NECTIN3: variants seen among roughly 807,000 people sequenced by gnomAD.
NECTIN3 encodes the protein nectin cell adhesion molecule 3.
Under a neutral mutation model 49.4 loss-of-function variants are expected in NECTIN3, and 8 were observed. The ratio of observed to expected loss-of-function variants is 0.16; its 90% CI spans 0.10 to 0.29. NECTIN3 has a LOEUF of 0.29. Ranked by LOEUF, NECTIN3 falls within the 10% of genes least tolerant of loss-of-function variation. The probability of loss-of-function intolerance (pLI) is 1.00; values close to 1 mark genes in which losing one functional copy is unlikely to be tolerated. For missense variants in NECTIN3, 581 were observed against 654.6 expected (o/e 0.89, Z 1.23); for synonymous variants, 277 against 241.1 (o/e 1.15, Z -1.38).
intron 1 of NECTIN3, among the ~76,000 whole-genome samples, chr3:111,093,656 G>A (rs1012427470): frequency 1.3e-5 from 2 of 151,960 alleles, no homozygotes; most frequent in African/African-American, 4.8e-5. Flanking sequence ...GGCTGGCCTC[G>A]AACTCCTAAC....
chr3:111,094,612 G>T (rs2032480204), intron 1 of NECTIN3, among the ~76,000 whole-genome samples: 1 of 152,268 alleles, frequency 6.6e-6, no homozygotes, highest in African/African-American at 2.4e-5. Context: ...GGGGCCTGAG[G>T]CGAAGTCTTG....
At chr3:111,172,007 TTAAAA>T (rs1376047983) in intron 7 of NECTIN3, among the ~76,000 whole-genome samples, 2 of 152,242 alleles carry the variant, frequency 1.3e-5, no homozygotes, top group African/African-American at 2.4e-5. Flanking sequence ...AAATGATATC[TTAAAA>T]TAAAGAAATT....
Position 111,137,150 on chromosome 3 carries a change from G to A in NECTIN3, c.*2935G>A. On this transcript the variant is annotated 3_prime_UTR_variant, in exon 6 of 6. Transcript: ENST00000485303. ...AGTCATTTTATATGTGAAAACATCT[G>A]ATTTGAGTTTTTGATAAATACTGCT... 1 of 963,406 alleles carries A rather than the reference G, an allele frequency of 1.0e-6. No individual in the cohort carries two copies. The highest frequency in any genetic ancestry group is 1.1e-4 in the East Asian group (1 of 8,696). 59.7% of individuals were successfully genotyped at this position (963,406 alleles called of 1,614,324 possible). A position where few individuals can be genotyped will look rare whatever the true frequency, so the allele number is the denominator to read the frequency against.
intron 2 of NECTIN3, among the ~76,000 whole-genome samples, chr3:111,114,809 T>G (rs901852029): frequency 6.6e-6 from 1 of 152,176 alleles, no homozygotes; most frequent in Non-Finnish European, 1.5e-5. Context: ...TGGATTTTTT[T>G]TTCAACTAAC....
intron 1 of NECTIN3, among the ~76,000 whole-genome samples, chr3:111,106,461 A>G (rs1316629480): frequency 6.6e-6 from 1 of 152,116 alleles, no homozygotes; most frequent in Non-Finnish European, 1.5e-5. Flanking sequence ...ATTTATTTGC[A>G]GTTTATATGT....
At chr3:111,132,380 T>C (rs1290090800) in intron 5 of NECTIN3, among the ~76,000 whole-genome samples, 1 of 151,928 alleles carries the variant, frequency 6.6e-6, no homozygotes, top group Non-Finnish European at 1.5e-5. Flanking sequence ...TATTTTTCTT[T>C]AGCTTGTAAT....
chr3:111,104,570 A>G (rs927082481), intron 1 of NECTIN3, among the ~76,000 whole-genome samples: 2 of 151,862 alleles, frequency 1.3e-5, no homozygotes, highest in South Asian at 2.1e-4. Context: ...TCCTCCTGCT[A>G]TAGCTTCCCA....
chr3:111,118,346 G>T (rs2033796679), intron 2 of NECTIN3, among the ~76,000 whole-genome samples: 1 of 143,466 alleles, frequency 7.0e-6, no homozygotes, highest in African/African-American at 2.5e-5. Flanking sequence ...AGGGAATTGT[G>T]ATCTCGTTCA....
intron 1 of NECTIN3, among the ~76,000 whole-genome samples, chr3:111,094,838 T>A (rs2032492176): frequency 6.6e-6 from 1 of 152,194 alleles, no homozygotes; most frequent in Non-Finnish European, 1.5e-5. Flanking sequence ...AGAAGGAAAG[T>A]AGTTATTCAG....
At chr3:111,130,320 C>T (rs1036033689) in intron 5 of NECTIN3, among the ~76,000 whole-genome samples, 23 of 150,314 alleles carry the variant, frequency 1.5e-4, no homozygotes, top group African/African-American at 5.7e-4. Flanking sequence ...GAGTCTGTAA[C>T]ACAGCATACT....
intron 1 of NECTIN3, among the ~76,000 whole-genome samples, chr3:111,091,601 T>C (rs527985262): frequency 7.9e-5 from 12 of 152,198 alleles, no homozygotes. Context: ...TGTAATGTTA[T>C]CAAAGTTCAT....
At chr3:111,155,878 G>A (rs1046457547) in intron 7 of NECTIN3, among the ~76,000 whole-genome samples, 32 of 152,056 alleles carry the variant, frequency 2.1e-4, no homozygotes, top group African/African-American at 7.5e-4. Flanking sequence ...TACTTCCCAG[G>A]ATTACAGATT....
intron 1 of NECTIN3, among the ~76,000 whole-genome samples, chr3:111,087,633 A>G (rs2032010652): frequency 6.6e-6 from 1 of 152,102 alleles, no homozygotes; most frequent in African/African-American, 2.4e-5. Flanking sequence ...AGCCTGAGCA[A>G]CAGAGCGAGA....
At chr3:111,123,194 T>C (rs1415335326) in intron 4 of NECTIN3, among the ~76,000 whole-genome samples, 1 of 152,146 alleles carries the variant, frequency 6.6e-6, no homozygotes, top group Non-Finnish European at 1.5e-5. Flanking sequence ...AAATATGTTA[T>C]TTTCATAGCA....
downstream of NECTIN3, among the ~76,000 whole-genome samples, chr3:111,141,092 C>T (rs1422169599): frequency 6.6e-6 from 1 of 151,736 alleles, no homozygotes; most frequent in Non-Finnish European, 1.5e-5. Flanking sequence ...GGATGAGGGG[C>T]TGAGGAGACT....
At chr3:111,072,574 C>T (rs537529240) in intron 1 of NECTIN3, 8 of 1,535,214 alleles carry the variant, frequency 5.2e-6, no homozygotes, top group Admixed American at 2.0e-5. Context: ...GAGCTGTGAG[C>T]CCAGAAACCC....
chr3:111,099,123 A>G (rs2032756973), intron 1 of NECTIN3, among the ~76,000 whole-genome samples: 1 of 151,966 alleles, frequency 6.6e-6, no homozygotes, highest in Admixed American at 6.6e-5. Context: ...ATCCCACCTC[A>G]CCTAACATCC....
rs751274758 is a variant in NECTIN3, at chr3:111,134,977, T to G, written c.*762T>G. 1.0e-6 allele frequency: 1 copy of G among 957,776 alleles called. No individual in the cohort carries two copies. The highest frequency in any genetic ancestry group is 1.1e-4 in the East Asian group (1 of 8,706). The allele number at this position is 957,776 out of a possible 1,614,324, so 59.3% of individuals were successfully genotyped here. A position where few individuals can be genotyped will look rare whatever the true frequency, so the allele number is the denominator to read the frequency against. ...CCTTTCAAACATGATAATTATTAGT[T>G]TTTTTTTTTCCTTTCTGGAACATGG... On this transcript the variant is annotated 3_prime_UTR_variant, in exon 6 of 6. Coordinates refer to ENST00000485303, the MANE Select transcript of NECTIN3 (RefSeq NM_015480.3).
chr3:111,096,779 G>T (rs1576093347), intron 1 of NECTIN3, among the ~76,000 whole-genome samples: 1 of 152,326 alleles, frequency 6.6e-6, no homozygotes, highest in Non-Finnish European at 1.5e-5. Context: ...GTGCACAGAG[G>T]TCAAGAATTT....
Sources: gnomAD v4.1 joint callset for allele counts (sites outside exome capture counted in the v4.1 genomes callset) on GRCh38, gnomAD v4.1.1 for gene constraint, MANE v1.5 for transcripts, NCBI Gene and HGNC (gene_info 2026-07-23, HGNC 2026-07-21) for gene names.